The following COL5A2 variants were observed in gnomAD, a reference collection of about 807,000 sequenced individuals.
COL5A2 encodes the protein collagen alpha-2(V) chain.
Under a neutral mutation model 208.2 loss-of-function variants are expected in COL5A2, and 23 were observed. That is an observed-to-expected ratio of 0.11 (90% CI 0.08 to 0.16). The LOEUF (loss-of-function observed/expected upper bound fraction) is 0.16. Ranked by LOEUF, COL5A2 falls within the 10% of genes least tolerant of loss-of-function variation. The pLI is 1.00. For missense variants in COL5A2, 1,590 were observed against 1,956.4 expected, an observed-to-expected ratio of 0.81 and a Z score of 3.53; for synonymous variants, 625 against 628.5, an observed-to-expected ratio of 0.99 and a Z score of 0.08.
intron 1 of COL5A2, among the ~76,000 whole-genome samples, chr2:189,145,332 AT>A (rs1688017923): frequency 6.6e-6 from 1 of 152,076 alleles, no homozygotes. Context: ...CTTCTTGTTT[AT>A]TTTTTACATG....
the COL5A2 span, among the ~76,000 whole-genome samples, chr2:189,248,399 G>A: frequency 6.6e-6 from 1 of 152,178 alleles, no homozygotes; most frequent in African/African-American, 2.4e-5. Flanking sequence ...GTATTAGTAA[G>A]AGAACAGTGC....
chr2:189,188,091 TTTATA>T (rs1170864384), intron 1 of COL5A2, among the ~76,000 whole-genome samples: 2 of 152,222 alleles, frequency 1.3e-5, no homozygotes, highest in African/African-American at 4.8e-5. Context: ...TTTTTCTTCT[TTTATA>T]TTATGTTTAT....
intron 51 of COL5A2, 40 bp from the exon 52 acceptor site, chr2:189,036,843 C>T: frequency 7.1e-7 from 1 of 1,411,796 alleles, no homozygotes; most frequent in Non-Finnish European, 9.9e-7. Context: ...TAAAGACAAT[C>T]TCAATCATGA....
intron 29 of COL5A2, among the ~76,000 whole-genome samples, chr2:189,062,414 C>A (rs1686054089): frequency 6.6e-6 from 1 of 151,952 alleles, no homozygotes; most frequent in Admixed American, 6.6e-5. Context: ...GAACTCCTGA[C>A]CTCAGGTAAT....
intron 1 of COL5A2, among the ~76,000 whole-genome samples, chr2:189,211,422 C>CA (rs1483637905): frequency 6.6e-6 from 1 of 152,088 alleles, no homozygotes; most frequent in South Asian, 2.1e-4. Flanking sequence ...TATATTGTGC[C>CA]AAAAAATTAG....
At chr2:189,136,343 A>G (rs1687825785) in intron 1 of COL5A2, among the ~76,000 whole-genome samples, 1 of 150,822 alleles carries the variant, frequency 6.6e-6, no homozygotes, top group Non-Finnish European at 1.5e-5. Flanking sequence ...ATATAAATAC[A>G]TATTTATATA....
the COL5A2 span, among the ~76,000 whole-genome samples, chr2:189,265,233 A>C: frequency 3.3e-5 from 5 of 152,178 alleles, no homozygotes; most frequent in African/African-American, 1.2e-4. Context: ...GCAAAAGAAA[A>C]AAATAGATTT....
the COL5A2 span, among the ~76,000 whole-genome samples, chr2:189,289,760 T>C: frequency 1.3e-5 from 2 of 152,212 alleles, no homozygotes; most frequent in South Asian, 2.1e-4. Flanking sequence ...GTATTTCTGA[T>C]TGATTTTATT....
the COL5A2 span, among the ~76,000 whole-genome samples, chr2:189,302,575 A>G: frequency 2.0e-5 from 3 of 152,146 alleles, no homozygotes; most frequent in Non-Finnish European, 2.9e-5. Context: ...AGAAATCCCC[A>G]TTATGTGTGG....
Position 189,056,848 on chromosome 2 carries a change from A to G in COL5A2, c.2391+125T>C. 3 of 886,814 alleles carry G rather than the reference A, an allele frequency of 3.4e-6. No homozygotes were observed. In the South Asian group the frequency reaches 3.9e-5, roughly 12 times the overall value. The allele number at this position is 886,814 out of a possible 1,614,324, so 54.9% of individuals were successfully genotyped here. A position where few individuals can be genotyped will look rare whatever the true frequency, so the allele number is the denominator to read the frequency against. On this transcript the variant is annotated intron_variant, in intron 35 of 53. Transcript: ENST00000374866. ...TGAATCACAGCAGATCTCACATGCC[A>G]TTATTCTCCAACTCCTGACTACCAA...
At chr2:189,367,477 T>C in the COL5A2 span, among the ~76,000 whole-genome samples, 8 of 152,328 alleles carry the variant, frequency 5.3e-5, no homozygotes, top group East Asian at 1.4e-3. Flanking sequence ...TTCTCCCAGA[T>C]CGACTACACT....
intron 1 of COL5A2, among the ~76,000 whole-genome samples, chr2:189,154,478 C>T (rs1375750799): frequency 2.6e-5 from 4 of 152,134 alleles, no homozygotes; most frequent in African/African-American, 9.7e-5. Flanking sequence ...AATGACCTGG[C>T]GAATGGCTCT....
chr2:189,402,277 G>C, the COL5A2 span, among the ~76,000 whole-genome samples: 1 of 152,170 alleles, frequency 6.6e-6, no homozygotes, highest in Non-Finnish European at 1.5e-5. Context: ...GAGTGCAGTG[G>C]TGCGATCTTG....
chr2:189,186,295 C>T lies in COL5A2; in HGVS notation c.-42+38853G>A, dbSNP rs547427439. Among the ~76,000 whole-genome samples, 71 of 152,160 alleles carry T rather than the reference C, an allele frequency of 4.7e-4. 1 individual carries two copies. The highest frequency in any genetic ancestry group is 1.7e-3 in the African/African-American group (70 of 41,498). ...TACAGACATGAGCCACTTTATCAAG[C>T]CAACAAACCATAATTTTTGAACAGA... On this transcript the variant is annotated intron_variant, in intron 1 of 10. Transcript: ENST00000649966.
chr2:189,203,081 T>C (rs1480154362), intron 1 of COL5A2, among the ~76,000 whole-genome samples: 1 of 152,172 alleles, frequency 6.6e-6, no homozygotes, highest in Non-Finnish European at 1.5e-5. Flanking sequence ...AGCCCTTTAA[T>C]GTATATTTTG....
chr2:189,086,023 T>A (rs1408980532), intron 9 of COL5A2, among the ~76,000 whole-genome samples: 1 of 148,742 alleles, frequency 6.7e-6, no homozygotes, highest in Non-Finnish European at 1.5e-5. Context: ...CCTAGAATAG[T>A]GCTGGCACAG....
At chr2:189,278,397 A>G in the COL5A2 span, among the ~76,000 whole-genome samples, 17 of 152,208 alleles carry the variant, frequency 1.1e-4, no homozygotes, top group Admixed American at 1.3e-4. Flanking sequence ...CTGGTTAATA[A>G]TTAAGGAGAA....
the COL5A2 span, among the ~76,000 whole-genome samples, chr2:189,412,708 A>G: frequency 6.6e-6 from 1 of 152,256 alleles, no homozygotes; most frequent in African/African-American, 2.4e-5. Flanking sequence ...ATACCAATGA[A>G]TTGCCAATCA....
intron 18 of COL5A2, among the ~76,000 whole-genome samples, chr2:189,069,138 A>G (rs1686217018): frequency 6.6e-6 from 1 of 152,126 alleles, no homozygotes; most frequent in African/African-American, 2.4e-5. Flanking sequence ...GAAGCCCTAC[A>G]CCAGGGTTAG....
Sources: gnomAD v4.1 joint callset for allele counts (sites outside exome capture counted in the v4.1 genomes callset) on GRCh38, gnomAD v4.1.1 for gene constraint, MANE v1.5 for transcripts, NCBI Gene and HGNC (gene_info 2026-07-23, HGNC 2026-07-21) for gene names.